ST3GAL3: variants seen among roughly 807,000 people sequenced by gnomAD.
ST3GAL3 encodes CMP-N-acetylneuraminate-beta-1,4-galactoside alpha-2,3-sialyltransferase.
In ST3GAL3, 21 loss-of-function variants were observed where a neutral mutation model predicts 50.1. That is an observed-to-expected ratio of 0.42 (90% CI 0.30 to 0.60). The LOEUF is 0.60. Among genes scored for constraint, ST3GAL3 ranks in the 20% least tolerant of loss-of-function variants. The pLI is 0.19. For synonymous variants in ST3GAL3, 183 were observed against 190.0 expected, an observed-to-expected ratio of 0.96 and a Z score of 0.30; for missense variants, 353 against 489.4, an observed-to-expected ratio of 0.72 and a Z score of 2.63.
chr1:43,773,026 C>T (rs960568097), intron 2 of ST3GAL3, among the ~76,000 whole-genome samples: 1 of 152,122 alleles, frequency 6.6e-6, no homozygotes, highest in Non-Finnish European at 1.5e-5. Flanking sequence ...GGATTCTAGG[C>T]GTGAGCCACC....
chr1:43,732,063 A>G (rs565982709), intron 1 of ST3GAL3, among the ~76,000 whole-genome samples: 1 of 152,326 alleles, frequency 6.6e-6, no homozygotes, highest in Admixed American at 6.5e-5. Flanking sequence ...TTCTACAGCT[A>G]GATTTTTTTT....
intron 3 of ST3GAL3, among the ~76,000 whole-genome samples, chr1:43,808,911 C>T (rs1029120010): frequency 6.6e-6 from 1 of 152,172 alleles, no homozygotes; most frequent in Non-Finnish European, 1.5e-5. Context: ...TCATAGTGTA[C>T]TCAGGAAGGT....
chr1:43,876,219 CT>C (rs1363521927), intron 5 of ST3GAL3, among the ~76,000 whole-genome samples: 3 of 152,132 alleles, frequency 2.0e-5, no homozygotes, highest in African/African-American at 7.2e-5. Context: ...CCGCCTCGGC[CT>C]CCTAAAGTAC....
At chr1:43,850,300 A>T in intron 5 of ST3GAL3, 1 of 563,934 alleles carries the variant, frequency 1.8e-6, no homozygotes, top group Non-Finnish European at 3.2e-6. Context: ...CGGCTCCTTT[A>T]GAAGTCAGGC....
Position 43,913,319 on chromosome 1 carries a change from A to G in ST3GAL3, c.745-7085A>G, listed in dbSNP as rs2081252516. On this transcript the variant is annotated intron_variant, in intron 9 of 11. Transcript: ENST00000347631. ...TACCAGACCCCGTGCCAGATGCTGT[A>G]AAACGCACAGCATCTCTAATCCTTA... The G allele has an allele frequency of 2.0e-5, 3 of 152,330 alleles. No individual in the cohort carries two copies. In the South Asian group the frequency reaches 6.2e-4, roughly 32 times the overall value. 9.4% of individuals were successfully genotyped at this position (152,330 alleles called of 1,614,324 possible).
chr1:43,863,863 G>A (rs2070661988), intron 5 of ST3GAL3, among the ~76,000 whole-genome samples: 1 of 152,148 alleles, frequency 6.6e-6, no homozygotes, highest in Non-Finnish European at 1.5e-5. Flanking sequence ...ACCTGCCCAT[G>A]GTGACTGCTG....
rs565916475 is a variant in ST3GAL3, at chr1:43,780,944, A to T, written c.119-11158A>T. On this transcript the variant is annotated intron_variant, in intron 2 of 11. Transcript: ENST00000347631. ...CTCAAACAATCTTGGCTGTCTGCTCATATTTAGAAACCGGGAATCTTGTTT... is the reference window on the plus strand; with the variant it reads ...CTCAAACAATCTTGGCTGTCTGCTCTTATTTAGAAACCGGGAATCTTGTTT... 5.3e-5 allele frequency among the ~76,000 whole-genome samples: 8 copies of T among 152,250 alleles called. No individual in the cohort carries two copies. The South Asian group carries it at 1.5e-3, about 28-fold the overall frequency.
intron 1 of ST3GAL3, among the ~76,000 whole-genome samples, chr1:43,710,663 G>A (rs1400478330): frequency 6.6e-6 from 1 of 152,180 alleles, no homozygotes; most frequent in Non-Finnish European, 1.5e-5. Context: ...TGCTCTTTGT[G>A]CTTTGCTGTT....
In ST3GAL3 at chr1:43,898,038, T is replaced by C. The variant is rs61770289; in HGVS notation, c.398-197T>C. Among the ~76,000 whole-genome samples the C allele has an allele frequency of 0.099, 15,042 of 152,202 alleles. 936 individuals carry two copies. The highest frequency in any genetic ancestry group is 0.23 in the South Asian group (1,102 of 4,826). On this transcript the variant is annotated intron_variant, in intron 6 of 11. Coordinates refer to ENST00000347631, the MANE Select transcript of ST3GAL3 (RefSeq NM_006279.5). ...CGGGCTCCCGGCAGTGATATGCCTG[T>C]CTGTTTCCTGCCATCACCTCCTTTC... is the stretch of plus-strand genomic sequence containing the variant.
At chr1:43,723,997 T>C (rs1320783456) in intron 1 of ST3GAL3, among the ~76,000 whole-genome samples, 1 of 152,098 alleles carries the variant, frequency 6.6e-6, no homozygotes, top group Non-Finnish European at 1.5e-5. Context: ...TGACATTGCT[T>C]TGGGGATATC....
intron 4 of ST3GAL3, chr1:43,824,912 A>C: frequency 4.1e-6 from 3 of 726,640 alleles, no homozygotes; most frequent in Non-Finnish European, 7.7e-6. Flanking sequence ...ATATGCAGCC[A>C]AATTGAGAAC....
chr1:43,824,028 A>G (rs1421682470), intron 4 of ST3GAL3, among the ~76,000 whole-genome samples: 2 of 152,260 alleles, frequency 1.3e-5, no homozygotes, highest in African/African-American at 4.8e-5. Context: ...AAGGGCAAGA[A>G]CTAGGAATGT....
intron 5 of ST3GAL3, among the ~76,000 whole-genome samples, chr1:43,866,689 G>A (rs1315054224): frequency 6.6e-6 from 1 of 152,096 alleles, no homozygotes; most frequent in Non-Finnish European, 1.5e-5. Flanking sequence ...TGCACATAAG[G>A]ACATTCAGAT....
chr1:43,887,236 C>G (rs959035592), intron 5 of ST3GAL3, among the ~76,000 whole-genome samples: 15 of 152,144 alleles, frequency 9.9e-5, no homozygotes, highest in African/African-American at 3.6e-4. Flanking sequence ...TGTGTGTGTT[C>G]TCGCAGCCCC....
chr1:43,874,909 A>C (rs58995057), intron 5 of ST3GAL3, among the ~76,000 whole-genome samples: 7,731 of 152,258 alleles, frequency 0.051, 640 homozygotes, highest in African/African-American at 0.18. Flanking sequence ...TGAGCTGATA[A>C]CATATATGAT....
At chr1:43,817,049 GT>G (rs2061325196) in intron 4 of ST3GAL3, among the ~76,000 whole-genome samples, 1 of 152,170 alleles carries the variant, frequency 6.6e-6, no homozygotes. Context: ...CTCTAGTTGT[GT>G]TATATTCTAT....
intron 2 of ST3GAL3, among the ~76,000 whole-genome samples, chr1:43,739,655 A>C (rs1679986464): frequency 6.6e-6 from 1 of 152,250 alleles, no homozygotes; most frequent in African/African-American, 2.4e-5. Flanking sequence ...AGAACAAAAC[A>C]CAACAATTAT....
At chr1:43,819,609 G>A (rs1219777083) in intron 4 of ST3GAL3, among the ~76,000 whole-genome samples, 1 of 151,858 alleles carries the variant, frequency 6.6e-6, no homozygotes. Flanking sequence ...TTCTATTCTT[G>A]GAACCCTATT....
intron 2 of ST3GAL3, among the ~76,000 whole-genome samples, chr1:43,759,065 GCA>G (rs1553285693): frequency 0.027 from 2,028 of 75,104 alleles, 24 homozygotes; most frequent in Middle Eastern, 0.044. Flanking sequence ...AAAAGCGCGC[GCA>G]CACACACACA....
Sources: gnomAD v4.1 joint callset for allele counts (sites outside exome capture counted in the v4.1 genomes callset) on GRCh38, gnomAD v4.1.1 for gene constraint, MANE v1.5 for transcripts, NCBI Gene and HGNC (gene_info 2026-07-23, HGNC 2026-07-21) for gene names.